The following GRID2 variants were observed in gnomAD, a reference collection of about 807,000 sequenced individuals.
GRID2 encodes the protein glutamate ionotropic receptor delta type subunit 2, also known as glutamate receptor ionotropic, delta-2.
A neutral mutation model predicts 114.8 loss-of-function variants in GRID2; 33 were observed. The observed-to-expected ratio is 0.29, with a 90% CI of 0.22 to 0.38. The LOEUF (loss-of-function observed/expected upper bound fraction) is 0.38. Among genes scored for constraint, GRID2 ranks in the 10% least tolerant of loss-of-function variants. The pLI, the probability that GRID2 is intolerant of heterozygous loss-of-function variation, is 1.00. For missense variants in GRID2, 1,184 were observed against 1,257.7 expected, an observed-to-expected ratio of 0.94 and a Z score of 0.89; for synonymous variants, 505 against 449.9, an observed-to-expected ratio of 1.12 and a Z score of -1.55.
At chr4:92,704,130 T>G (rs373997888) in intron 2 of GRID2, among the ~76,000 whole-genome samples, 29 of 152,102 alleles carry the variant, frequency 1.9e-4, no homozygotes, top group African/African-American at 7.0e-4. Context: ...TACAAAAAAT[T>G]AGCTGGGCGT....
chr4:93,692,539 T>C, intron 14 of GRID2, among the ~76,000 whole-genome samples: 1 of 152,302 alleles, frequency 6.6e-6, no homozygotes, highest in Non-Finnish European at 1.5e-5. Flanking sequence ...TTAAGTAATA[T>C]TTTTATATTT....
intron 2 of GRID2, among the ~76,000 whole-genome samples, chr4:92,926,038 T>C (rs1027914767): frequency 1.3e-5 from 2 of 152,056 alleles, no homozygotes; most frequent in African/African-American, 4.8e-5. Flanking sequence ...AACAGTTGTC[T>C]GAGACTGTAT....
intron 2 of GRID2, among the ~76,000 whole-genome samples, chr4:93,022,945 A>T (rs982227565): frequency 6.6e-6 from 1 of 151,834 alleles, no homozygotes; most frequent in Admixed American, 6.6e-5. Context: ...TATATTCAAT[A>T]CTCTTGTTAT....
chr4:93,507,050 T>G (rs1175343023), intron 12 of GRID2, among the ~76,000 whole-genome samples: 2 of 152,186 alleles, frequency 1.3e-5, no homozygotes, highest in African/African-American at 4.8e-5. Flanking sequence ...ACTTTGACAT[T>G]AATCTTTTTT....
chr4:92,541,117 A>G (rs1390548302), intron 1 of GRID2, among the ~76,000 whole-genome samples: 2 of 151,880 alleles, frequency 1.3e-5, no homozygotes, highest in African/African-American at 2.4e-5. Context: ...CACAGGAAGG[A>G]GAACATCACA....
intron 1 of GRID2, among the ~76,000 whole-genome samples, chr4:92,466,153 A>T (rs897711340): frequency 6.6e-6 from 1 of 151,822 alleles, no homozygotes; most frequent in Non-Finnish European, 1.5e-5. Flanking sequence ...ACTACACTAT[A>T]TATATGTTAC....
chr4:93,688,709 C>A (rs1160428949), intron 14 of GRID2, among the ~76,000 whole-genome samples: 1 of 151,022 alleles, frequency 6.6e-6, no homozygotes, highest in East Asian at 1.9e-4. Context: ...AAGAGTGGCC[C>A]TCTTATAAGT....
chr4:93,066,153 G>T (rs1158493752), intron 2 of GRID2, among the ~76,000 whole-genome samples: 1 of 151,940 alleles, frequency 6.6e-6, no homozygotes. Flanking sequence ...CAGCACACCG[G>T]AGTTTAGATT....
chr4:93,295,731 C>G (rs1165409615), intron 8 of GRID2, among the ~76,000 whole-genome samples: 3 of 152,150 alleles, frequency 2.0e-5, no homozygotes, highest in African/African-American at 7.2e-5. Flanking sequence ...GATAAAGTCT[C>G]TCTTTTAATG....
chr4:93,594,010 G>A (rs925580349), intron 13 of GRID2, among the ~76,000 whole-genome samples: 107 of 151,780 alleles, frequency 7.0e-4, no homozygotes, highest in Non-Finnish European at 1.1e-3. Flanking sequence ...ATGTCCTCCC[G>A]TAGCTCAGAG....
intron 14 of GRID2, among the ~76,000 whole-genome samples, chr4:93,760,892 C>T (rs539616832): frequency 6.6e-6 from 1 of 152,182 alleles, no homozygotes; most frequent in South Asian, 2.1e-4. Flanking sequence ...GCTCCCATTG[C>T]CTAGAAAATG....
intron 13 of GRID2, among the ~76,000 whole-genome samples, chr4:93,548,870 C>A (rs1296016018): frequency 6.6e-6 from 1 of 151,934 alleles, no homozygotes; most frequent in East Asian, 1.9e-4. Flanking sequence ...TAACCTTTGC[C>A]ATGATCAACA....
chr4:92,958,374 A>G (rs1320427352), intron 2 of GRID2, among the ~76,000 whole-genome samples: 1 of 151,966 alleles, frequency 6.6e-6, no homozygotes, highest in African/African-American at 2.4e-5. Flanking sequence ...TGATGATTTT[A>G]TGATGAATTT....
chr4:92,929,415 A>T (rs1383644750), intron 2 of GRID2, among the ~76,000 whole-genome samples: 1 of 151,320 alleles, frequency 6.6e-6, no homozygotes, highest in Non-Finnish European at 1.5e-5. Flanking sequence ...AAGATACATT[A>T]AAAAACCTAA....
intron 8 of GRID2, among the ~76,000 whole-genome samples, chr4:93,345,594 C>T (rs1448024920): frequency 6.6e-6 from 1 of 151,852 alleles, no homozygotes; most frequent in African/African-American, 2.4e-5. Context: ...TGTAGGTTGT[C>T]TCTTCACTGT....
intron 2 of GRID2, among the ~76,000 whole-genome samples, chr4:92,642,072 T>G (rs1731382022): frequency 6.6e-6 from 1 of 151,638 alleles, no homozygotes; most frequent in Non-Finnish European, 1.5e-5. Flanking sequence ...TTTGCTCTTG[T>G]GATGTTTCAT....
chr4:92,344,573 C>T (rs1727672604), intron 1 of GRID2, among the ~76,000 whole-genome samples: 1 of 152,176 alleles, frequency 6.6e-6, no homozygotes, highest in African/African-American at 2.4e-5. Flanking sequence ...ACAACTATTC[C>T]TTTCTTCACT....
At chr4:92,505,496 T>C (rs948301036) in intron 1 of GRID2, among the ~76,000 whole-genome samples, 3 of 152,044 alleles carry the variant, frequency 2.0e-5, no homozygotes, top group African/African-American at 4.8e-5. Flanking sequence ...AGCATAGTGA[T>C]AAAATTTTGC....
At chr4:92,702,240 C>G (rs1734709947) in intron 2 of GRID2, 1 of 152,116 alleles carries the variant, frequency 6.6e-6, no homozygotes, top group Non-Finnish European at 1.5e-5. Flanking sequence ...AACAAATCAC[C>G]TCATATCTTA....
Sources: allele counts gnomAD v4.1 joint callset (sites outside exome capture counted in the v4.1 genomes callset), GRCh38; gene constraint gnomAD v4.1.1; transcripts MANE v1.5; gene names NCBI Gene and HGNC (gene_info 2026-07-23, HGNC 2026-07-21).